The following RHOA variants were observed in gnomAD, a reference collection of about 807,000 sequenced individuals.
The protein encoded by RHOA is transforming protein RhoA.
RHOA carries 3 observed loss-of-function variants against 17.5 expected under a neutral mutation model. That is an observed-to-expected ratio of 0.17 (90% CI 0.08 to 0.44). RHOA has a LOEUF of 0.44. Ranked by LOEUF, RHOA falls within the 20% of genes least tolerant of loss-of-function variation. The probability of loss-of-function intolerance (pLI) is 0.99; values close to 1 mark genes in which losing one functional copy is unlikely to be tolerated. For missense variants in RHOA, 56 were observed against 242.3 expected, an observed-to-expected ratio of 0.23 and a Z score of 5.10; for synonymous variants, 98 against 88.4, an observed-to-expected ratio of 1.11 and a Z score of -0.61.
At chr3:49,400,960 G>A (rs1184738759) in intron 1 of RHOA, among the ~76,000 whole-genome samples, 1 of 144,352 alleles carries the variant, frequency 6.9e-6, no homozygotes, top group Non-Finnish European at 1.5e-5. Flanking sequence ...GCAGGAGAAT[G>A]GCGTGAACCC....
intron 1 of RHOA, among the ~76,000 whole-genome samples, chr3:49,378,604 A>G (rs2048270673): frequency 6.7e-6 from 1 of 149,334 alleles, no homozygotes; most frequent in Admixed American, 6.7e-5. Context: ...TTTCTCTATT[A>G]TGTAGTTATT....
chr3:49,399,559 T>C (rs2048686136), intron 1 of RHOA, among the ~76,000 whole-genome samples: 1 of 151,086 alleles, frequency 6.6e-6, no homozygotes, highest in Admixed American at 6.6e-5. Context: ...AGACTGTCTC[T>C]AGAATAGTAC....
chr3:49,368,103 G>A (rs1335184259), intron 3 of RHOA, among the ~76,000 whole-genome samples: 1 of 151,788 alleles, frequency 6.6e-6, no homozygotes, highest in African/African-American at 2.4e-5. Flanking sequence ...GTAAAGACGG[G>A]GTTTCACCAT....
intron 1 of RHOA, among the ~76,000 whole-genome samples, chr3:49,408,959 AT>A (rs527537039): frequency 1.3e-5 from 2 of 151,444 alleles, no homozygotes; most frequent in African/African-American, 4.8e-5. Context: ...CACCCAGCTA[AT>A]TTTTTTTGTA....
chr3:49,382,360 C>T (rs763705275), intron 1 of RHOA, among the ~76,000 whole-genome samples: 11 of 151,846 alleles, frequency 7.2e-5, no homozygotes, highest in African/African-American at 2.2e-4. Flanking sequence ...AGACACTGGG[C>T]GTGGTGGCTC....
intron 1 of RHOA, among the ~76,000 whole-genome samples, chr3:49,387,180 C>A (rs574579215): frequency 3.7e-4 from 52 of 139,500 alleles, no homozygotes; most frequent in African/African-American, 1.3e-3. Context: ...CGTGGTGGCT[C>A]ACACCTGTAA....
intron 1 of RHOA, among the ~76,000 whole-genome samples, chr3:49,402,246 A>T (rs1284672596): frequency 3.3e-5 from 5 of 152,202 alleles, no homozygotes; most frequent in Middle Eastern, 3.2e-3. Context: ...TTCCAAACTT[A>T]CATTGCCTCT....
chr3:49,404,617 A>C (rs1284271119), intron 1 of RHOA, among the ~76,000 whole-genome samples: 5 of 140,464 alleles, frequency 3.6e-5, no homozygotes, highest in Non-Finnish European at 7.7e-5. Flanking sequence ...GTCTCAAAAA[A>C]AAAAAAAAAA....
chr3:49,374,236 C>T (rs1174524165), intron 2 of RHOA, among the ~76,000 whole-genome samples: 1 of 152,098 alleles, frequency 6.6e-6, no homozygotes, highest in Admixed American at 6.6e-5. Context: ...GTAGTCCCAG[C>T]TACTTGGGAG....
At chr3:49,383,773 T>C (rs2048354386) in intron 1 of RHOA, among the ~76,000 whole-genome samples, 1 of 152,148 alleles carries the variant, frequency 6.6e-6, no homozygotes, top group Admixed American at 6.5e-5. Context: ...CTCACGCCCA[T>C]AATCCCAGCA....
At chr3:49,393,596 T>C (rs1010432212) in intron 1 of RHOA, among the ~76,000 whole-genome samples, 2 of 12,308 alleles carry the variant, frequency 1.6e-4, no homozygotes, top group African/African-American at 2.7e-4. Context: ...CTGCACTGGC[T>C]TTTTTTTTTT....
chr3:49,407,158 G>C (rs1036497847), intron 1 of RHOA, among the ~76,000 whole-genome samples: 11 of 149,550 alleles, frequency 7.4e-5, no homozygotes, highest in African/African-American at 2.7e-4. Context: ...GAAGAGAAGA[G>C]AAGAACCAAT....
chr3:49,360,509 C>T (rs1384405802), intron 4 of RHOA, 127 bp from the exon 5 acceptor site: 1 of 1,022,514 alleles, frequency 9.8e-7, no homozygotes, highest in Non-Finnish European at 1.4e-6. Context: ...CGTCGGTCGC[C>T]CAGGCTGGAG....
chr3:49,408,347 A>G (rs1326978627), intron 1 of RHOA, among the ~76,000 whole-genome samples: 2 of 152,158 alleles, frequency 1.3e-5, no homozygotes, highest in East Asian at 3.8e-4. Flanking sequence ...TCCTCTTCAA[A>G]AAATAAAATC....
intron 1 of RHOA, among the ~76,000 whole-genome samples, chr3:49,391,387 G>A (rs1304349321): frequency 1.5e-5 from 2 of 129,602 alleles, no homozygotes; most frequent in Admixed American, 7.6e-5. Context: ...GTGAGAATCC[G>A]TCAAAAAAAA....
chr3:49,376,644 C>CAAA (rs963176937), intron 1 of RHOA, among the ~76,000 whole-genome samples: 9 of 43,716 alleles, frequency 2.1e-4, no homozygotes, highest in African/African-American at 4.9e-4. Flanking sequence ...CTCCATCTCA[C>CAAA]AAAAAAAAAA....
At chr3:49,400,830 G>T (rs529025933) in intron 1 of RHOA, among the ~76,000 whole-genome samples, 16 of 151,704 alleles carry the variant, frequency 1.1e-4, no homozygotes, top group African/African-American at 3.9e-4. Flanking sequence ...CGGATCACGA[G>T]GTCAGGAGAT....
intron 2 of RHOA, among the ~76,000 whole-genome samples, chr3:49,372,275 C>A (rs1466157543): frequency 2.6e-5 from 4 of 152,166 alleles, no homozygotes; most frequent in African/African-American, 4.8e-5. Flanking sequence ...TTGGCTGAGG[C>A]TGAATTAACA....
At chr3:49,363,029 G>T (rs1018475991) in intron 3 of RHOA, among the ~76,000 whole-genome samples, 10 of 152,208 alleles carry the variant, frequency 6.6e-5, no homozygotes, top group African/African-American at 2.4e-4. Context: ...TAGGGCAGCA[G>T]CTGACCCAGG....
Sources: gnomAD v4.1 joint callset for allele counts (sites outside exome capture counted in the v4.1 genomes callset) on GRCh38, gnomAD v4.1.1 for gene constraint, MANE v1.5 for transcripts, NCBI Gene and HGNC (gene_info 2026-07-23, HGNC 2026-07-21) for gene names.